ALPK3: variants seen among roughly 807,000 people sequenced by gnomAD.
ALPK3 encodes alpha kinase 3.
In ALPK3, 102 loss-of-function variants were observed where a neutral mutation model predicts 140.0. The observed-to-expected ratio is 0.73, with a 90% CI of 0.62 to 0.86. The LOEUF (loss-of-function observed/expected upper bound fraction) is 0.86. Among genes scored for constraint, ALPK3 ranks in the 40% least tolerant of loss-of-function variants. The probability of loss-of-function intolerance (pLI) is 0.00; values close to 1 mark genes in which losing one functional copy is unlikely to be tolerated. For synonymous variants in ALPK3, 938 were observed against 898.5 expected (o/e 1.04, Z -0.79); for missense variants, 2,254 against 2,208.2 (o/e 1.02, Z -0.42).
chr15:84,823,309 C>T (rs778378399), intron 1 of ALPK3, 21 bp from the exon 2 acceptor site: 8 of 1,613,996 alleles, frequency 5.0e-6, no homozygotes, highest in Non-Finnish European at 6.8e-6. Flanking sequence ...CCTAATGATT[C>T]CATTTGCTGT....
At chr15:84,866,495 C>A (rs1964005109) in intron 12 of ALPK3, among the ~76,000 whole-genome samples, 1 of 152,154 alleles carries the variant, frequency 6.6e-6, no homozygotes, top group South Asian at 2.1e-4. Flanking sequence ...GGTACTCAGC[C>A]CTGTTAGTGA....
rs534467873 is a variant in ALPK3 at position 84,869,750 on chromosome 15, T to A, written c.*1294T>A. 1.3e-5 allele frequency: 2 copies of A among 152,884 alleles called. No homozygotes were observed. Among genetic ancestry groups the A allele is most frequent in the South Asian group, 4.1e-4 (2 of 4,824 alleles). The allele number at this position is 152,884 out of a possible 1,614,324, so 9.5% of individuals were successfully genotyped here. On this transcript the variant is annotated 3_prime_UTR_variant, in exon 14 of 14. Coordinates refer to ENST00000258888, the MANE Select transcript of ALPK3 (RefSeq NM_020778.5). ...ATAAAGGCAGCATTGTGTGCCCTGC[T>A]TGCCCTCATCTGGTGTGGTTGGAGG...
Position 84,858,321 on chromosome 15 carries a change from G to C in ALPK3, c.3583G>C (p.Gly1195Arg). The C allele has an allele frequency of 5.1e-6, 8 of 1,563,112 alleles. No homozygotes were observed. The highest frequency in any genetic ancestry group is 6.1e-6 in the Non-Finnish European group (7 of 1,153,958). Residue 1195 changes from glycine (G) to arginine (R), a missense_variant, in exon 6 of 14, where the codon GGG (glycine) becomes CGG (arginine). Gly to Arg is a moderately radical substitution (Grantham distance 125, BLOSUM62 -2). Around this residue, in one of 3 missense-constraint regions of ALPK3, gnomAD observed 2,088 missense variants for 2,022.9 expected, o/e 1.03. Transcript: ENST00000258888. ...GGAGAGCCCCACGGTTTCCCCCCGG[G>C]GGCCCAGGAAAAGCCTGGTGCCTGG... is the stretch of plus-strand genomic sequence containing the variant. ...ERESPTVSPR[G>R]PRKSLVPGSP...
chr15:84,839,898 C>T lies in ALPK3; in HGVS notation c.619C>T (p.Pro207Ser). ...GAGCTGGAAGCACGAGAAGGCGGTG[C>T]CTGGGGAGGTCGACACTCTGCGCAA... is the stretch of plus-strand genomic sequence containing the variant. The part of the protein sequence containing the change: ...EQSWKHEKAV[P>S]GEVDTLRKLS... Residue 207 changes from proline to serine, a missense_variant, in exon 5 of 14, where the codon CCT becomes TCT. Transcript: ENST00000258888. 1 of 1,613,900 alleles carries T rather than the reference C, an allele frequency of 6.2e-7. No individual in the cohort carries two copies. The highest frequency in any genetic ancestry group is 8.5e-7 in the Non-Finnish European group (1 of 1,179,896).
intron 5 of ALPK3, among the ~76,000 whole-genome samples, chr15:84,846,407 C>G (rs1357082411): frequency 3.9e-5 from 6 of 152,172 alleles, no homozygotes; most frequent in Non-Finnish European, 7.3e-5. Context: ...TCTGACTTTA[C>G]TATAAAAATG....
intron 3 of ALPK3, among the ~76,000 whole-genome samples, chr15:84,827,859 G>C (rs1200711331): frequency 6.6e-6 from 1 of 152,210 alleles, no homozygotes; most frequent in African/African-American, 2.4e-5. Flanking sequence ...CTGACCCTCA[G>C]GGATACATCC....
chr15:84,838,704 C>T lies in ALPK3; in HGVS notation c.305-276C>T, dbSNP rs10852091. On this transcript the variant is annotated intron_variant, in intron 3 of 13. Coordinates refer to ENST00000258888, the MANE Select transcript of ALPK3 (RefSeq NM_020778.5). ...GCAAGATCTTGGCTCACTGCAACCTCGGACTCCTGGGTTCAAGCGATTCTC... is the reference window on the plus strand; with the variant it reads ...GCAAGATCTTGGCTCACTGCAACCTTGGACTCCTGGGTTCAAGCGATTCTC... Among the ~76,000 whole-genome samples the T allele has an allele frequency of 0.47, 70,280 of 150,612 alleles. 17,644 individuals are homozygous for T. The highest frequency in any genetic ancestry group is 0.79 in the East Asian group (4,051 of 5,118).
At chr15:84,862,551 C>T (rs1402457060) in intron 9 of ALPK3, 84 bp from the exon 10 acceptor site, 6 of 1,496,314 alleles carry the variant, frequency 4.0e-6, no homozygotes, top group Admixed American at 2.2e-5. Context: ...GTGGGAGGCT[C>T]TTCTGGCCTT....
At chr15:84,825,744 G>A (rs1023608915) in intron 2 of ALPK3, among the ~76,000 whole-genome samples, 1 of 152,158 alleles carries the variant, frequency 6.6e-6, no homozygotes, top group African/African-American at 2.4e-5. Flanking sequence ...GTGGTTTCTG[G>A]AAAGTGTTGA....
At chr15:84,842,283 C>G (rs994585222) in intron 5 of ALPK3, among the ~76,000 whole-genome samples, 3 of 152,244 alleles carry the variant, frequency 2.0e-5, no homozygotes, top group African/African-American at 7.2e-5. Context: ...ATCTGTCCAC[C>G]TCAGCCTCCC....
At chr15:84,862,371 G>C (rs544488414) in intron 9 of ALPK3, among the ~76,000 whole-genome samples, 62 of 152,102 alleles carry the variant, frequency 4.1e-4, no homozygotes, top group Middle Eastern at 3.4e-3. Context: ...CAGTGCTTAG[G>C]ACGCATTTGT....
At chr15:84,834,233 G>A (rs945643743) in intron 3 of ALPK3, among the ~76,000 whole-genome samples, 6 of 152,174 alleles carry the variant, frequency 3.9e-5, no homozygotes, top group South Asian at 2.1e-4. Context: ...TGCCAGCTGT[G>A]TGACCCTGGG....
chr15:84,852,490 C>T (rs1278773751), intron 5 of ALPK3: 3 of 237,780 alleles, frequency 1.3e-5, no homozygotes, highest in Non-Finnish European at 2.5e-5. Context: ...TGTCATATAA[C>T]ACCTATGTCT....
chr15:84,838,114 G>T (rs1486925729), intron 3 of ALPK3, among the ~76,000 whole-genome samples: 1 of 152,306 alleles, frequency 6.6e-6, no homozygotes, highest in East Asian at 1.9e-4. Flanking sequence ...CAGTGACAGG[G>T]TGGGTAGGAA....
At position 84,862,900 on chromosome 15, in the gene ALPK3, C is replaced by T. The variant is rs370332799; in HGVS notation, c.4395C>T (p.Tyr1465=). The T allele has an allele frequency of 2.8e-5, 45 of 1,613,516 alleles. No individual in the cohort carries two copies. The highest frequency in any genetic ancestry group is 1.6e-4 in the African/African-American group (12 of 74,888). The change falls in exon 10 of 14, where the codon TAC becomes TAT. Residue 1465 remains tyrosine, a synonymous_variant. Transcript: ENST00000258888. ...AGACTTCTCTTGTGGGCAGAAACTA[C>T]GACGTCACCATCCAGGTACTATGTC... The part of the protein sequence containing the change: ...SSETSLVGRN[Y]DVTIQGCKIQ...
intron 5 of ALPK3, among the ~76,000 whole-genome samples, chr15:84,846,299 A>G (rs1467917221): frequency 6.6e-6 from 1 of 152,250 alleles, no homozygotes; most frequent in Non-Finnish European, 1.5e-5. Context: ...TACATGGCAT[A>G]TGAAAAATCA....
intron 1 of ALPK3, among the ~76,000 whole-genome samples, chr15:84,819,257 G>A (rs1963396971): frequency 6.6e-6 from 1 of 152,184 alleles, no homozygotes. Flanking sequence ...AAGTCCCTTT[G>A]GACCTAAATG....
At chr15:84,856,355 T>A in intron 5 of ALPK3, 37 bp from the exon 6 acceptor site, 2 of 1,551,338 alleles carry the variant, frequency 1.3e-6, no homozygotes, top group Non-Finnish European at 1.7e-6. Flanking sequence ...TGAATGTCCA[T>A]GTAGTTAAAT....
chr15:84,839,573 C>A, intron 4 of ALPK3, 129 bp from the exon 5 acceptor site: 1 of 1,007,216 alleles, frequency 9.9e-7, no homozygotes, highest in Non-Finnish European at 1.5e-6. Context: ...TGAGATGGGG[C>A]GTAGCACACG....
Sources: gnomAD v4.1 joint callset for allele counts (sites outside exome capture counted in the v4.1 genomes callset) on GRCh38, gnomAD v4.1.1 for gene constraint, gnomAD v4.1.1 regional missense constraint, MANE v1.5 for transcripts, NCBI Gene and HGNC (gene_info 2026-07-23, HGNC 2026-07-21) for gene names.